The following HS3ST1 variants were observed in gnomAD, a reference collection of about 807,000 sequenced individuals.
HS3ST1 encodes the protein heparan sulfate glucosamine 3-O-sulfotransferase 1.
A neutral mutation model predicts 20.7 loss-of-function variants in HS3ST1; 8 were observed. The observed-to-expected ratio is 0.39, with a 90% CI of 0.23 to 0.70. The LOEUF is 0.70. HS3ST1 is among the 30% of genes least tolerant of loss of function. The pLI is 0.46. For synonymous variants in HS3ST1, 205 were observed against 190.4 expected (o/e 1.08, Z -0.63); for missense variants, 436 against 423.4 (o/e 1.03, Z -0.26).
chr4:11,422,452 T>C (rs891007505), intron 1 of HS3ST1, among the ~76,000 whole-genome samples: 1 of 152,166 alleles, frequency 6.6e-6, no homozygotes, highest in Admixed American at 6.6e-5. Context: ...ACATACTTGC[T>C]ACCTAATTAT....
At chr4:11,431,275 G>A (rs1719201164), upstream of HS3ST1, among the ~76,000 whole-genome samples, 1 of 150,784 alleles carries the variant, frequency 6.6e-6, no homozygotes, top group South Asian at 2.1e-4. Flanking sequence ...CTTCCCTCAA[G>A]GAGTCAGGGT....
chr4:11,415,041 A>G (rs1328005153), intron 1 of HS3ST1, among the ~76,000 whole-genome samples: 2 of 152,214 alleles, frequency 1.3e-5, no homozygotes, highest in Admixed American at 1.3e-4. Flanking sequence ...AGATGAAAGA[A>G]ACTGTGGAAT....
chr4:11,425,519 C>A (rs1183082020), intron 1 of HS3ST1, among the ~76,000 whole-genome samples: 2 of 152,120 alleles, frequency 1.3e-5, no homozygotes, highest in Non-Finnish European at 1.5e-5. Context: ...TAGTGAGGCC[C>A]GGTGCTTGTA....
upstream of HS3ST1, chr4:11,429,101 G>C: frequency 6.6e-6 from 1 of 152,352 alleles, no homozygotes; most frequent in Non-Finnish European, 1.5e-5. Flanking sequence ...TCCGCTCTGC[G>C]CTCAGCTGCT....
At position 11,396,012 on chromosome 4, in the gene HS3ST1, T is replaced by C. The variant is rs1157623439; in HGVS notation, c.*3070A>G. The C allele has an allele frequency of 1.3e-5, 2 of 152,144 alleles. No homozygotes were observed. Among genetic ancestry groups the C allele is most frequent in the Non-Finnish European group, 2.9e-5 (2 of 68,036 alleles). 9.4% of individuals were successfully genotyped at this position (152,144 alleles called of 1,614,324 possible). Reference sequence around the variant, plus strand: ...ATTTTCTTTTTATATTCTTGAGGACTCAATACCATGTTGAGCATGTGGTAG... The same window carrying C: ...ATTTTCTTTTTATATTCTTGAGGACCCAATACCATGTTGAGCATGTGGTAG... On this transcript the variant is annotated 3_prime_UTR_variant, in exon 2 of 2. Transcript: ENST00000002596.
intron 1 of HS3ST1, among the ~76,000 whole-genome samples, chr4:11,422,328 T>C (rs563467619): frequency 1.8e-4 from 28 of 152,320 alleles, no homozygotes; most frequent in African/African-American, 6.5e-4. Context: ...TACACTGTTC[T>C]AGAAACTGGA....
chr4:11,410,894 A>T (rs868673197), intron 1 of HS3ST1, among the ~76,000 whole-genome samples: 100 of 149,912 alleles, frequency 6.7e-4, no homozygotes, highest in African/African-American at 2.3e-3. Context: ...TCCATCTCAA[A>T]AAATAAATAA....
upstream of HS3ST1, among the ~76,000 whole-genome samples, chr4:11,434,216 A>G (rs1711532535): frequency 6.6e-6 from 1 of 152,212 alleles, no homozygotes; most frequent in South Asian, 2.1e-4. Context: ...AACTGGCTAT[A>G]TATATATTAA....
In HS3ST1 at chr4:11,394,882, T is replaced by C. The variant is rs1205431331; in HGVS notation, c.*4200A>G. ...TAGGTTAGAAGCAATATATTTAAAA[T>C]ACCAAGCACATGGCAGGTGTGCAAC... is the stretch of plus-strand genomic sequence containing the variant. On this transcript the variant is annotated 3_prime_UTR_variant, in exon 2 of 2. Coordinates refer to ENST00000002596, the MANE Select transcript of HS3ST1 (RefSeq NM_005114.4). The C allele has an allele frequency of 2.0e-5, 3 of 152,194 alleles. No individual in the cohort carries two copies. The highest frequency in any genetic ancestry group is 4.4e-5 in the Non-Finnish European group (3 of 68,026). 9.4% of individuals were successfully genotyped at this position (152,194 alleles called of 1,614,324 possible).
chr4:11,425,826 A>G (rs2108891984), intron 1 of HS3ST1, among the ~76,000 whole-genome samples: 1 of 152,286 alleles, frequency 6.6e-6, no homozygotes, highest in African/African-American at 2.4e-5. Flanking sequence ...ATTGTTGCCC[A>G]AGGTCATGGG....
chr4:11,402,280 G>A (rs538167288), intron 1 of HS3ST1, among the ~76,000 whole-genome samples: 1 of 152,244 alleles, frequency 6.6e-6, no homozygotes, highest in African/African-American at 2.4e-5. Context: ...ACTGGAGAAG[G>A]GACCTGAGAG....
chr4:11,409,066 A>G (rs1347885677), intron 1 of HS3ST1, among the ~76,000 whole-genome samples: 1 of 152,206 alleles, frequency 6.6e-6, no homozygotes, highest in African/African-American at 2.4e-5. Context: ...AGATAGACAA[A>G]CTGAGGTAAG....
At chr4:11,433,958 C>A (rs1711529887), upstream of HS3ST1, among the ~76,000 whole-genome samples, 1 of 152,214 alleles carries the variant, frequency 6.6e-6, no homozygotes, top group Non-Finnish European at 1.5e-5. Context: ...GAACTCTCAA[C>A]TTCAATCAGC....
At chr4:11,429,331 CTCT>C (rs1415557673), upstream of HS3ST1, 6 of 152,542 alleles carry the variant, frequency 3.9e-5, no homozygotes. Context: ...TCTACCTCTT[CTCT>C]AAGTCGCCAG....
chr4:11,417,452 AGT>A (rs1044581599), intron 1 of HS3ST1, among the ~76,000 whole-genome samples: 24 of 152,342 alleles, frequency 1.6e-4, no homozygotes, highest in Admixed American at 1.1e-3. Flanking sequence ...TTAATAAATG[AGT>A]GTATGAAAAA....
intron 1 of HS3ST1, among the ~76,000 whole-genome samples, chr4:11,404,383 A>AT (rs569139982): frequency 1.3e-3 from 203 of 152,200 alleles, no homozygotes; most frequent in African/African-American, 4.6e-3. Flanking sequence ...AATATTTTGC[A>AT]TTTTTTTCTA....
upstream of HS3ST1, among the ~76,000 whole-genome samples, chr4:11,433,048 A>T (rs1422097866): frequency 6.6e-6 from 1 of 152,208 alleles, no homozygotes; most frequent in South Asian, 2.1e-4. Context: ...GACTTTTATG[A>T]TGTTTTCCTT....
At chr4:11,404,563 A>G (rs989714446) in intron 1 of HS3ST1, among the ~76,000 whole-genome samples, 2 of 152,226 alleles carry the variant, frequency 1.3e-5, no homozygotes, top group Non-Finnish European at 2.9e-5. Flanking sequence ...CCTGAAAGCA[A>G]GATTCTCTAC....
upstream of HS3ST1, among the ~76,000 whole-genome samples, chr4:11,433,545 A>T (rs1577090080): frequency 6.6e-6 from 1 of 152,196 alleles, no homozygotes; most frequent in Admixed American, 6.5e-5. Context: ...CTTCAGGGCG[A>T]TGGAAAATTG....
Sources: gnomAD v4.1 joint callset for allele counts (sites outside exome capture counted in the v4.1 genomes callset) on GRCh38, gnomAD v4.1.1 for gene constraint, MANE v1.5 for transcripts, NCBI Gene and HGNC (gene_info 2026-07-23, HGNC 2026-07-21) for gene names.